The following FNTB variants were observed in gnomAD, a reference collection of about 807,000 sequenced individuals.
The protein encoded by FNTB is farnesyltransferase, CAAX box, subunit beta, also known as protein farnesyltransferase subunit beta.
In FNTB, 27 loss-of-function variants were observed where a neutral mutation model predicts 59.4. That is an observed-to-expected ratio of 0.45 (90% CI 0.34 to 0.63). FNTB has a LOEUF of 0.63. FNTB is among the 20% of genes least tolerant of loss of function. FNTB has a pLI of 0.02. For missense variants in FNTB, 449 were observed against 559.6 expected, an observed-to-expected ratio of 0.80 and a Z score of 1.99; for synonymous variants, 230 against 220.7, an observed-to-expected ratio of 1.04 and a Z score of -0.37.
Position 65,012,341 on chromosome 14 carries a change from C to T in FNTB, c.234C>T (p.His78=), listed in dbSNP as rs932856010. The T allele has an allele frequency of 1.2e-6, 2 of 1,614,180 alleles. No homozygotes were observed. Among genetic ancestry groups the T allele is most frequent in the South Asian group, 2.2e-5 (2 of 91,090 alleles). Residue 78 remains histidine, a synonymous_variant, in exon 3 of 12, where the codon CAC becomes CAT. Coordinates refer to ENST00000246166, the MANE Select transcript of FNTB (RefSeq NM_002028.4). This position sits in a 1 kb window ranked among gnomAD's most constrained non-coding sequence, Gnocchi z 5.0. ...GGCTTGTTTTGCAGAGGGAGAAGCA[C>T]TTCCATTATCTGAAAAGAGGCCTTC... is the stretch of plus-strand genomic sequence containing the variant. The part of the protein sequence containing the change: ...VPRLVLQREK[H]FHYLKRGLRQ...
At chr14:65,040,679 T>C (rs1595076124) in intron 7 of FNTB, 111 bp from the exon 8 acceptor site, 1 of 1,239,916 alleles carries the variant, frequency 8.1e-7, no homozygotes, top group Middle Eastern at 3.2e-4. Context: ...ATAGTTGTGA[T>C]GGTTCACACC....
chr14:65,042,487 C>G, intron 8 of FNTB, among the ~76,000 whole-genome samples: 1 of 152,176 alleles, frequency 6.6e-6, no homozygotes, highest in East Asian at 1.9e-4. Context: ...AATGCTGCTG[C>G]TGATCTGTCA....
At chr14:65,046,270 C>A (rs1227881252) in intron 9 of FNTB, among the ~76,000 whole-genome samples, 1 of 152,200 alleles carries the variant, frequency 6.6e-6, no homozygotes, top group Non-Finnish European at 1.5e-5. Flanking sequence ...GCCACCGTGC[C>A]TGGCCCAACA....
intron 2 of FNTB, among the ~76,000 whole-genome samples, chr14:65,004,735 T>C (rs2061555070): frequency 6.6e-6 from 1 of 152,056 alleles, no homozygotes; most frequent in South Asian, 2.1e-4. Context: ...CAATCTCGGC[T>C]CTCTGGAACC....
chr14:65,030,739 T>TA lies in FNTB; in HGVS notation c.606-1859dup, dbSNP rs879817148. On this transcript the variant is annotated intron_variant, in intron 6 of 11. Transcript: ENST00000246166. The surrounding 1 kb of genome is among the most constrained non-coding windows in gnomAD (Gnocchi z 4.5). ...TGGGCAACAAAGTGAGATCCTATCT[T>TA]AAAAAAAAAAAAGAAGATGGAAACT... Among the ~76,000 whole-genome samples, 56 of 144,658 alleles carry TA rather than the reference T, an allele frequency of 3.9e-4. No individual in the cohort carries two copies. Among genetic ancestry groups the TA allele is most frequent in the East Asian group, 1.8e-3 (9 of 5,034 alleles). The allele number at this position is 144,658 out of a possible 152,430, so 94.9% of individuals were successfully genotyped here. A position where few individuals can be genotyped will look rare whatever the true frequency, so the allele number is the denominator to read the frequency against.
intron 8 of FNTB, among the ~76,000 whole-genome samples, chr14:65,041,834 CA>C (rs1482339726): frequency 6.6e-6 from 1 of 152,112 alleles, no homozygotes; most frequent in African/African-American, 2.4e-5. Flanking sequence ...AAAATCTGAA[CA>C]CCAATAAGGC....
At position 65,007,713 on chromosome 14, in the gene FNTB, T is replaced by A. The variant is rs931085871; in HGVS notation, c.209+3400T>A. Among the ~76,000 whole-genome samples the A allele has an allele frequency of 6.6e-6, 1 of 152,246 alleles. No individual in the cohort carries two copies. Among genetic ancestry groups the A allele is most frequent in the Non-Finnish European group, 1.5e-5 (1 of 68,044 alleles). ...CCATGAAAATTCATTTTTTCTTCCC[T>A]GTGGGTATTGTCACGGTTTCACACC... On this transcript the variant is annotated intron_variant, in intron 2 of 11. Coordinates refer to ENST00000246166, the MANE Select transcript of FNTB (RefSeq NM_002028.4). The surrounding 1 kb of genome is among the most constrained non-coding windows in gnomAD (Gnocchi z 4.9).
At chr14:65,045,840 G>A (rs2062465068) in intron 9 of FNTB, among the ~76,000 whole-genome samples, 1 of 152,280 alleles carries the variant, frequency 6.6e-6, no homozygotes, top group East Asian at 1.9e-4. Context: ...TGGGCTTTAG[G>A]TGTCAGTATT....
At position 64,986,943 on chromosome 14, in the gene FNTB, C is replaced by G; in HGVS notation, c.-11C>G. 6.2e-7 allele frequency: 1 copy of G among 1,614,178 alleles called. No individual in the cohort carries two copies. The highest frequency in any genetic ancestry group is 1.1e-5 in the South Asian group (1 of 91,090). On this transcript the variant is annotated 5_prime_UTR_variant, in exon 1 of 12. Coordinates refer to ENST00000246166, the MANE Select transcript of FNTB (RefSeq NM_002028.4). The stretch of plus-strand genomic sequence containing the variant: ...GCAGAGTCCTACACACTGTCTGCTG[C>G]TCTCCTGATCATGGCTTCTCCGAGT...
intron 1 of FNTB, among the ~76,000 whole-genome samples, chr14:64,993,445 C>A (rs1006780370): frequency 6.6e-6 from 1 of 152,184 alleles, no homozygotes; most frequent in African/African-American, 2.4e-5. Flanking sequence ...ATTGTGTCAT[C>A]CCCAGCTGGT....
intron 1 of FNTB, among the ~76,000 whole-genome samples, chr14:65,002,849 G>A (rs192899792): frequency 6.6e-5 from 10 of 152,258 alleles, no homozygotes; most frequent in African/African-American, 2.2e-4. Flanking sequence ...GTATTCTCAG[G>A]CAGATCCTGT....
intron 1 of FNTB, among the ~76,000 whole-genome samples, chr14:64,989,637 C>A (rs1381540721): frequency 1.3e-5 from 2 of 152,094 alleles, no homozygotes; most frequent in African/African-American, 4.8e-5. Flanking sequence ...AGGAGTTAAA[C>A]CTATAAATAG....
In FNTB at chr14:65,012,452, A is replaced by G. The variant is rs2139512442; in HGVS notation, c.282+63A>G. The G allele has an allele frequency of 5.6e-6, 9 of 1,602,154 alleles. No individual in the cohort carries two copies. Among genetic ancestry groups the G allele is most frequent in the Admixed American group, 3.4e-5 (2 of 59,556 alleles). On this transcript the variant is annotated intron_variant, in intron 3 of 11. Coordinates refer to ENST00000246166, the MANE Select transcript of FNTB (RefSeq NM_002028.4). This position sits in a 1 kb window ranked among gnomAD's most constrained non-coding sequence, Gnocchi z 5.0. The stretch of plus-strand genomic sequence containing the variant: ...TCCACCAAATCCTCCTCCTTTTTCT[A>G]TTTAAACGTAAAAGACTGTTGGGGC...
intron 2 of FNTB, among the ~76,000 whole-genome samples, chr14:65,008,542 G>A (rs939478457): frequency 6.6e-6 from 1 of 152,240 alleles, no homozygotes; most frequent in Non-Finnish European, 1.5e-5. Context: ...ATCACTGGGA[G>A]AATCTAATTT....
At chr14:65,003,987 C>G (rs763098186) in intron 1 of FNTB, among the ~76,000 whole-genome samples, 1 of 152,140 alleles carries the variant, frequency 6.6e-6, no homozygotes, top group African/African-American at 2.4e-5. Flanking sequence ...GCCAGGGAAC[C>G]AAACACCAAA....
chr14:65,038,581 G>A (rs567294582), intron 7 of FNTB, among the ~76,000 whole-genome samples: 37 of 151,874 alleles, frequency 2.4e-4, no homozygotes, highest in African/African-American at 8.7e-4. Context: ...AGCCGGGCGT[G>A]GTGGCATGCA....
Position 65,027,503 on chromosome 14 carries a change from G to A in FNTB, c.425G>A (p.Gly142Glu). 1 of 1,614,190 alleles carries A rather than the reference G, an allele frequency of 6.2e-7. No individual in the cohort carries two copies. Among genetic ancestry groups the A allele is most frequent in the East Asian group, 2.2e-5 (1 of 44,882 alleles). The change falls in exon 5 of 12, where the codon GGA becomes GAA. Residue 142 changes from glycine to glutamate, a missense_variant. This residue lies in a region of FNTB where 337 missense variants were observed against 479.1 expected (regional missense o/e 0.70). Transcript: ENST00000246166. This position sits in a 1 kb window ranked among gnomAD's most constrained non-coding sequence, Gnocchi z 5.7. Reference protein sequence around the residue: ...LCQSPEGGFGGGPGQYPHLAP... With the variant: ...LCQSPEGGFGEGPGQYPHLAP... ...CAGAGCCCAGAAGGTGGCTTTGGAGGAGGACCCGGTCAGTATCCACACCTT... is the reference window on the plus strand; with the variant it reads ...CAGAGCCCAGAAGGTGGCTTTGGAGAAGGACCCGGTCAGTATCCACACCTT...
In FNTB at chr14:65,047,425, T is replaced by C. The variant is rs2062509229; in HGVS notation, c.955+2982T>C. Reference sequence around the variant, plus strand: ...AGGTGGCCATTAATCCAACGAAAAATTGTTTAGCTCACTTGTAGTAAAAGA... The same window carrying C: ...AGGTGGCCATTAATCCAACGAAAAACTGTTTAGCTCACTTGTAGTAAAAGA... On this transcript the variant is annotated intron_variant, in intron 9 of 11. Transcript: ENST00000246166. The surrounding 1 kb of genome is among the most constrained non-coding windows in gnomAD (Gnocchi z 5.2). Among the ~76,000 whole-genome samples the C allele has an allele frequency of 6.6e-6, 1 of 152,166 alleles. No homozygotes were observed. Among genetic ancestry groups the C allele is most frequent in the African/African-American group, 2.4e-5 (1 of 41,434 alleles).
Position 65,037,418 on chromosome 14 carries a change from T to C in FNTB, c.693-3372T>C, listed in dbSNP as rs1201842361. On this transcript the variant is annotated intron_variant, in intron 7 of 11. Coordinates refer to ENST00000246166, the MANE Select transcript of FNTB (RefSeq NM_002028.4). ...ACGCCGGGCCCTTTTTTTTTTTTTTTTTTTTTTTTTTTTTTTTTTTTTTTT... is the reference window on the plus strand; with the variant it reads ...ACGCCGGGCCCTTTTTTTTTTTTTTCTTTTTTTTTTTTTTTTTTTTTTTTT... 7.2e-4 allele frequency among the ~76,000 whole-genome samples: 70 copies of C among 97,474 alleles called. 2 individuals carry two copies. The highest frequency in any genetic ancestry group is 1.1e-3 in the Admixed American group (9 of 8,304). 63.9% of individuals were successfully genotyped at this position (97,474 alleles called of 152,430 possible).
Sources: allele counts gnomAD v4.1 joint callset (sites outside exome capture counted in the v4.1 genomes callset), GRCh38; gene constraint gnomAD v4.1.1; regional missense constraint gnomAD v4.1.1; non-coding constraint Gnocchi (gnomAD v3.1); transcripts MANE v1.5; gene names NCBI Gene and HGNC (gene_info 2026-07-23, HGNC 2026-07-21).